The following ADGRA1 variants were observed in gnomAD, a reference collection of about 807,000 sequenced individuals.
ADGRA1 encodes the protein adhesion G protein-coupled receptor A1, also known as G-protein coupled receptor 123.
ADGRA1 carries 12 observed loss-of-function variants against 21.3 expected under a neutral mutation model. The ratio of observed to expected loss-of-function variants is 0.56; its 90% CI spans 0.36 to 0.91. The LOEUF is 0.91. Among genes scored for constraint, ADGRA1 ranks in the 40% least tolerant of loss-of-function variants. ADGRA1 has a pLI of 0.01. For missense variants in ADGRA1, 790 were observed against 805.6 expected, an observed-to-expected ratio of 0.98 and a Z score of 0.23; for synonymous variants, 385 against 368.8, an observed-to-expected ratio of 1.04 and a Z score of -0.50.
chr10:133,105,998 C>T (rs1329438716), intron 5 of ADGRA1, among the ~76,000 whole-genome samples: 4 of 152,244 alleles, frequency 2.6e-5, no homozygotes, highest in African/African-American at 7.2e-5. Context: ...CTCATCTCCC[C>T]TTAGTCCCAG....
At chr10:133,108,168 C>T (rs187082090) in intron 5 of ADGRA1, among the ~76,000 whole-genome samples, 1 of 152,244 alleles carries the variant, frequency 6.6e-6, no homozygotes, top group Non-Finnish European at 1.5e-5. Flanking sequence ...TGGGAGTGTG[C>T]AGGACCTGCT....
Position 133,107,167 on chromosome 10 carries a change from C to T in ADGRA1, c.401+4325C>T, listed in dbSNP as rs183089108. On this transcript the variant is annotated intron_variant, in intron 5 of 6. Transcript: ENST00000392607. ...TTATTTGTTTGTGAACAAAACACAA[C>T]CGATTTCTGTGTGCCAACCTTGTGT... 2.8e-3 allele frequency among the ~76,000 whole-genome samples: 423 copies of T among 152,318 alleles called. 5 individuals carry two copies. Among genetic ancestry groups the T allele is most frequent in the Non-Finnish European group, 6.3e-4 (43 of 68,024 alleles).
chr10:133,094,236 G>A (rs997807125), intron 2 of ADGRA1, among the ~76,000 whole-genome samples: 2 of 152,238 alleles, frequency 1.3e-5, no homozygotes, highest in Admixed American at 6.5e-5. Flanking sequence ...TTGCACTCGC[G>A]CCCTGAGACG....
chr10:133,103,657 C>T (rs571023856), intron 5 of ADGRA1, among the ~76,000 whole-genome samples: 26 of 152,338 alleles, frequency 1.7e-4, no homozygotes, highest in African/African-American at 5.8e-4. Context: ...CAGACGTCCA[C>T]GTCTGGGAGG....
At chr10:133,092,986 C>A in intron 2 of ADGRA1, 2 of 1,591,028 alleles carry the variant, frequency 1.3e-6, no homozygotes, top group Non-Finnish European at 1.7e-6. Flanking sequence ...GCCCCGGACA[C>A]CTCACCGTGC....
chr10:133,093,977 G>T (rs1851645635), intron 2 of ADGRA1, among the ~76,000 whole-genome samples: 1 of 152,274 alleles, frequency 6.6e-6, no homozygotes, highest in Non-Finnish European at 1.5e-5. Context: ...AAAAAGAAAA[G>T]AAACCAAACC....
At chr10:133,114,379 C>T (rs1185879477) in intron 5 of ADGRA1, among the ~76,000 whole-genome samples, 2 of 152,180 alleles carry the variant, frequency 1.3e-5, no homozygotes, top group African/African-American at 2.4e-5. Context: ...CGGACCAGAG[C>T]GGCGGTGCTA....
intron 4 of ADGRA1, chr10:133,102,177 A>G (rs1212697752): frequency 4.4e-6 from 2 of 454,416 alleles, no homozygotes; most frequent in African/African-American, 4.0e-5. Flanking sequence ...TGGGGGGCTC[A>G]TCCCACCCAC....
At chr10:133,108,631 C>G (rs1449684907) in intron 5 of ADGRA1, among the ~76,000 whole-genome samples, 1 of 152,144 alleles carries the variant, frequency 6.6e-6, no homozygotes, top group Non-Finnish European at 1.5e-5. Flanking sequence ...TCTCAAGATT[C>G]TAGACACTAG....
At chr10:133,104,927 G>A (rs892849070) in intron 5 of ADGRA1, among the ~76,000 whole-genome samples, 1 of 152,148 alleles carries the variant, frequency 6.6e-6, no homozygotes, top group African/African-American at 2.4e-5. Flanking sequence ...GGCTGGAGCG[G>A]GGCCTTTCTC....
intron 5 of ADGRA1, among the ~76,000 whole-genome samples, chr10:133,112,479 CGCGTCGGTTATTTGGGGTCTGTAAGCA>C (rs1319998904): frequency 4.1e-5 from 6 of 145,970 alleles, no homozygotes; most frequent in African/African-American, 1.5e-4. Context: ...GTCTGCGGGC[CGCGTCGGTTATTTGGGGTCTGTAAGCA>C]GTGTTGGTTA....
In ADGRA1 at chr10:133,102,791, C is replaced by T. The variant is rs1258907153; in HGVS notation, c.350C>T (p.Pro117Leu). Residue 117 changes from proline to leucine, a missense_variant, in exon 5 of 7, where the codon CCT (proline) becomes CTT (leucine). By Grantham distance (98) the Pro-to-Leu change is moderately conservative. Around this residue, in one of 3 missense-constraint regions of ADGRA1, gnomAD observed 382 missense variants for 415.6 expected, o/e 0.92. Transcript: ENST00000392607. ...TACAAGCAGGTGACCAAGAAGGCCC[C>T]TCTGTGCCTGGACACAGACCAGCCA... ...NIYKQVTKKA[P>L]LCLDTDQPPY... 2 of 1,612,856 alleles carry T rather than the reference C, an allele frequency of 1.2e-6. No homozygotes were observed. The highest frequency in any genetic ancestry group is 1.3e-5 in the African/African-American group (1 of 75,030).
intron 3 of ADGRA1, among the ~76,000 whole-genome samples, chr10:133,098,103 T>C (rs964197958): frequency 2.0e-5 from 3 of 152,132 alleles, no homozygotes; most frequent in East Asian, 3.9e-4. Context: ...CATGCAGCCA[T>C]ACCTGTGCTG....
intron 5 of ADGRA1, among the ~76,000 whole-genome samples, chr10:133,113,741 G>A (rs1852105490): frequency 1.8e-5 from 2 of 109,752 alleles, no homozygotes; most frequent in African/African-American, 6.9e-5. Flanking sequence ...CTGGGAGAGG[G>A]CAAGGATGGG....
At chr10:133,103,738 G>A (rs1486339732) in intron 5 of ADGRA1, among the ~76,000 whole-genome samples, 2 of 152,228 alleles carry the variant, frequency 1.3e-5, no homozygotes, top group Admixed American at 1.3e-4. Context: ...TTAGACGGGG[G>A]TCTGGCCGCG....
intron 5 of ADGRA1, among the ~76,000 whole-genome samples, chr10:133,126,651 G>A (rs1347934669): frequency 6.6e-6 from 1 of 152,216 alleles, no homozygotes; most frequent in Non-Finnish European, 1.5e-5. Flanking sequence ...GCCCTGCAGA[G>A]GGGAAGGTCA....
At chr10:133,116,260 G>A (rs549178679) in intron 5 of ADGRA1, among the ~76,000 whole-genome samples, 4 of 152,294 alleles carry the variant, frequency 2.6e-5, no homozygotes, top group Admixed American at 6.5e-5. Context: ...GAGCTGATCC[G>A]CAGGGCCTGT....
chr10:133,117,928 C>T (rs1380608337), intron 5 of ADGRA1, among the ~76,000 whole-genome samples: 2 of 152,210 alleles, frequency 1.3e-5, no homozygotes, highest in African/African-American at 2.4e-5. Flanking sequence ...ACGTGCTGGT[C>T]GTCCCCCTGT....
intron 5 of ADGRA1, among the ~76,000 whole-genome samples, chr10:133,118,905 T>C (rs1852204287): frequency 6.8e-6 from 1 of 146,278 alleles, no homozygotes; most frequent in Non-Finnish European, 1.5e-5. Flanking sequence ...CTCACACACG[T>C]ACACTCACAC....
Sources: allele counts gnomAD v4.1 joint callset (sites outside exome capture counted in the v4.1 genomes callset), GRCh38; gene constraint gnomAD v4.1.1; regional missense constraint gnomAD v4.1.1; transcripts MANE v1.5; gene names NCBI Gene and HGNC (gene_info 2026-07-23, HGNC 2026-07-21).